Variants in MCF2L2 observed in about 807,000 individuals in gnomAD.
MCF2L2 encodes the protein probable guanine nucleotide exchange factor MCF2L2.
Under a neutral mutation model 150.2 loss-of-function variants are expected in MCF2L2, and 102 were observed. The ratio of observed to expected loss-of-function variants is 0.68; its 90% CI spans 0.58 to 0.80. The LOEUF is 0.80. Among genes scored for constraint, MCF2L2 ranks in the 30% least tolerant of loss-of-function variants. MCF2L2 has a pLI of 0.00. For missense variants in MCF2L2, 1,256 were observed against 1,372.8 expected (o/e 0.91, Z 1.34); for synonymous variants, 465 against 491.3 (o/e 0.95, Z 0.71).
chr3:183,246,436 C>T (rs186519108), intron 15 of MCF2L2, among the ~76,000 whole-genome samples: 1 of 152,188 alleles, frequency 6.6e-6, no homozygotes, highest in Non-Finnish European at 1.5e-5. Context: ...TGGAATCATA[C>T]AATATTCATC....
At chr3:183,341,468 A>G in intron 4 of MCF2L2, 72 bp downstream of exon 4, 1 of 1,235,844 alleles carries the variant, frequency 8.1e-7, no homozygotes. Flanking sequence ...TTTCCCCAGG[A>G]CTTTGATATG....
chr3:183,346,734 TG>T (rs956278899), intron 3 of MCF2L2, among the ~76,000 whole-genome samples: 21 of 152,322 alleles, frequency 1.4e-4, no homozygotes, highest in African/African-American at 3.8e-4. Flanking sequence ...AAAATCAATG[TG>T]CAAAAATCAT....
intron 27 of MCF2L2, chr3:183,192,629 T>C (rs2108635263): frequency 5.9e-6 from 1 of 169,936 alleles, no homozygotes; most frequent in Non-Finnish European, 1.3e-5. Flanking sequence ...CCAGATTTCA[T>C]CGCACTACTC....
chr3:183,389,645 A>T (rs1577115456), intron 2 of MCF2L2, 51 bp downstream of exon 2: 1 of 1,502,248 alleles, frequency 6.7e-7, no homozygotes, highest in Admixed American at 1.7e-5. Context: ...GGACCTTCCC[A>T]TCAAGACCCC....
At position 183,179,940 on chromosome 3, in the gene MCF2L2, G is replaced by A; in HGVS notation, c.3105+131C>T. 1 of 831,910 alleles carries A rather than the reference G, an allele frequency of 1.2e-6. No homozygotes were observed. The highest frequency in any genetic ancestry group is 2.0e-6 in the Non-Finnish European group (1 of 499,724). 51.5% of individuals were successfully genotyped at this position (831,910 alleles called of 1,614,324 possible). ...AGGGTCTGGTGACCTCGGCTCCCTG[G>A]CTTAACCAGGTCCTTATGGGTGAGA... On this transcript the variant is annotated intron_variant, in intron 28 of 29. Transcript: ENST00000328913. The surrounding 1 kb of genome is among the most constrained non-coding windows in gnomAD (Gnocchi z 4.2).
intron 13 of MCF2L2, among the ~76,000 whole-genome samples, chr3:183,293,645 C>A (rs1003634119): frequency 6.6e-6 from 1 of 152,184 alleles, no homozygotes; most frequent in Non-Finnish European, 1.5e-5. Context: ...AACTTGAACT[C>A]TTTTCCTAAT....
intron 3 of MCF2L2, among the ~76,000 whole-genome samples, chr3:183,343,728 G>T (rs1027011340): frequency 6.6e-6 from 1 of 152,092 alleles, no homozygotes; most frequent in Admixed American, 6.6e-5. Flanking sequence ...TTATGTAAAC[G>T]TTAAATATGT....
intron 10 of MCF2L2, among the ~76,000 whole-genome samples, chr3:183,308,641 A>C (rs1729217651): frequency 6.6e-6 from 1 of 152,238 alleles, no homozygotes; most frequent in Non-Finnish European, 1.5e-5. Flanking sequence ...ATCTACAACC[A>C]ACAGCTCTTA....
At chr3:183,279,789 G>A (rs975920276) in intron 14 of MCF2L2, among the ~76,000 whole-genome samples, 15 of 152,340 alleles carry the variant, frequency 9.8e-5, no homozygotes, top group Admixed American at 6.5e-4. Context: ...CCAGCACTTC[G>A]GGAGGCCGAG....
At chr3:183,332,513 A>C (rs2108531069) in intron 5 of MCF2L2, among the ~76,000 whole-genome samples, 1 of 152,284 alleles carries the variant, frequency 6.6e-6, no homozygotes, top group South Asian at 2.1e-4. Context: ...TAAGTCACAA[A>C]TGTATCTGTG....
In MCF2L2 at chr3:183,270,098, C is replaced by G. The variant is rs1375941496; in HGVS notation, c.1862+6774G>C. 1.9e-6 allele frequency: 3 copies of G among 1,614,150 alleles called. No homozygotes were observed. Among genetic ancestry groups the G allele is most frequent in the Non-Finnish European group, 2.5e-6 (3 of 1,180,048 alleles). On this transcript the variant is annotated intron_variant, in intron 15 of 29. Coordinates refer to ENST00000328913, the MANE Select transcript of MCF2L2 (RefSeq NM_015078.4). This position sits in a 1 kb window ranked among gnomAD's most constrained non-coding sequence, Gnocchi z 4.5. ...TGTTTGTAAAAACTGCTCCTGAAAACTATGATCGACGTTCCGGAATTAGAA... is the reference window on the plus strand; with the variant it reads ...TGTTTGTAAAAACTGCTCCTGAAAAGTATGATCGACGTTCCGGAATTAGAA...
intron 17 of MCF2L2, among the ~76,000 whole-genome samples, 171 bp from the exon 18 acceptor site, chr3:183,228,537 G>A (rs1398746177): frequency 6.6e-6 from 1 of 152,092 alleles, no homozygotes; most frequent in East Asian, 1.9e-4. Flanking sequence ...GTATTCTGAG[G>A]TATTACTACA....
chr3:183,202,163 G>T (rs943041032), intron 25 of MCF2L2, among the ~76,000 whole-genome samples: 1 of 152,070 alleles, frequency 6.6e-6, no homozygotes, highest in African/African-American at 2.4e-5. Flanking sequence ...ATCTGTCCAC[G>T]GGTTTCTAGG....
At chr3:183,183,880 A>G (rs1456461409) in intron 27 of MCF2L2, among the ~76,000 whole-genome samples, 1 of 152,118 alleles carries the variant, frequency 6.6e-6, no homozygotes, top group African/African-American at 2.4e-5. Flanking sequence ...AAGAAACATT[A>G]TAAGGATAAT....
intron 15 of MCF2L2, among the ~76,000 whole-genome samples, chr3:183,233,064 A>G (rs1172194695): frequency 6.6e-6 from 1 of 152,164 alleles, no homozygotes; most frequent in African/African-American, 2.4e-5. Flanking sequence ...AAATTATGGT[A>G]CATGGGCCGG....
intron 15 of MCF2L2, among the ~76,000 whole-genome samples, chr3:183,251,391 A>C (rs1379042635): frequency 1.3e-5 from 2 of 152,012 alleles, no homozygotes; most frequent in Non-Finnish European, 2.9e-5. Context: ...CTCAGGGTTT[A>C]GTCTCCCCTC....
rs1216841240 is a variant in MCF2L2, at chr3:183,195,313, T to G, written c.2885-58A>C. 6 of 1,194,040 alleles carry G rather than the reference T, an allele frequency of 5.0e-6. No homozygotes were observed. In the African/African-American group the frequency reaches 7.7e-5, roughly 15 times the overall value. 74.0% of individuals were successfully genotyped at this position (1,194,040 alleles called of 1,614,324 possible). On this transcript the variant is annotated intron_variant, in intron 25 of 29. Transcript: ENST00000328913. ...CAAATTTAAGCTAATTTGAATTGAT[T>G]TTACATAGTGATTTTTAAATACACA...
chr3:183,263,556 A>G (rs149680791), intron 15 of MCF2L2, among the ~76,000 whole-genome samples: 21 of 151,574 alleles, frequency 1.4e-4, no homozygotes, highest in African/African-American at 4.8e-4. Context: ...TCCGGAGTTT[A>G]TTTTTCCTCC....
chr3:183,421,651 G>C (rs764435527), intron 1 of MCF2L2, among the ~76,000 whole-genome samples: 20 of 152,126 alleles, frequency 1.3e-4, no homozygotes, highest in Non-Finnish European at 2.8e-4. Flanking sequence ...CTTTCTCACA[G>C]GCAGTTTCTG....
Sources: gnomAD v4.1 joint callset for allele counts (sites outside exome capture counted in the v4.1 genomes callset) on GRCh38, gnomAD v4.1.1 for gene constraint, Gnocchi (gnomAD v3.1) non-coding constraint, MANE v1.5 for transcripts, NCBI Gene and HGNC (gene_info 2026-07-23, HGNC 2026-07-21) for gene names.